The following RTN4 variants were observed in gnomAD, a reference collection of about 807,000 sequenced individuals.
The protein encoded by RTN4 is reticulon-4.
Under a neutral mutation model 90.4 loss-of-function variants are expected in RTN4, and 32 were observed. That is an observed-to-expected ratio of 0.35 (90% CI 0.27 to 0.48). The LOEUF (loss-of-function observed/expected upper bound fraction) is 0.48. Ranked by LOEUF, RTN4 falls within the 20% of genes least tolerant of loss-of-function variation. The pLI is 0.99. For synonymous variants in RTN4, 629 were observed against 552.5 expected (o/e 1.14, Z -1.94); for missense variants, 1,706 against 1,430.2 (o/e 1.19, Z -3.11).
At chr2:55,072,306 T>G (rs1042766547) in intron 2 of RTN4, among the ~76,000 whole-genome samples, 1 of 152,138 alleles carries the variant, frequency 6.6e-6, no homozygotes, top group Non-Finnish European at 1.5e-5. Flanking sequence ...CTCTGCTCAC[T>G]GCAAGCTCCA....
chr2:55,061,103 T>A (rs1668283193), intron 2 of RTN4, among the ~76,000 whole-genome samples: 1 of 150,172 alleles, frequency 6.7e-6, no homozygotes, highest in African/African-American at 2.5e-5. Flanking sequence ...TCTCACTCTG[T>A]CACCCAGGCT....
upstream of RTN4, among the ~76,000 whole-genome samples, chr2:55,116,444 T>C (rs758644195): frequency 1.2e-4 from 18 of 152,218 alleles, no homozygotes; most frequent in South Asian, 2.7e-3. Flanking sequence ...GGATCCTGGG[T>C]AAGTTTCTTA....
At chr2:55,041,401 T>A (rs1184004459) in intron 1 of RTN4, among the ~76,000 whole-genome samples, 2 of 151,870 alleles carry the variant, frequency 1.3e-5, no homozygotes, top group Non-Finnish European at 1.5e-5. Flanking sequence ...ATAAAAAAAA[T>A]TTTAAGATGA....
At chr2:54,997,628 G>C (rs1679535102) in intron 3 of RTN4, among the ~76,000 whole-genome samples, 1 of 152,036 alleles carries the variant, frequency 6.6e-6, no homozygotes, top group African/African-American at 2.4e-5. Context: ...TGAATGGATT[G>C]TTTTAAAAAA....
chr2:55,107,522 T>A lies in RTN4; in HGVS notation c.-214+4998A>T, dbSNP rs774122966. 2.5e-3 allele frequency among the ~76,000 whole-genome samples: 379 copies of A among 151,930 alleles called. 7 individuals are homozygous for A. Among genetic ancestry groups the A allele is most frequent in the Non-Finnish European group, 9.4e-4 (64 of 68,012 alleles). On this transcript the variant is annotated intron_variant, in intron 1 of 3. Transcript: ENST00000427710. ...GGCAGAACAAACCTCACAGCCAGTA[T>A]GAGACTGCCTGGCTGGTACATCTGG...
At position 55,069,215 on chromosome 2, in the gene RTN4, T is replaced by G. The variant is rs1444373600; in HGVS notation, c.-63+11274A>C. 2.0e-5 allele frequency among the ~76,000 whole-genome samples: 3 copies of G among 152,240 alleles called. No homozygotes were observed. The East Asian group carries it at 5.8e-4, about 29-fold the overall frequency. On this transcript the variant is annotated intron_variant, in intron 2 of 3. Coordinates refer to the RTN4 transcript ENST00000427710. ...ATTTTACCTAGCTCAGAAAAAAACC[T>G]AATTAGACTGGTTTAGTCCAGTCGT... is the stretch of plus-strand genomic sequence containing the variant.
chr2:55,114,568 G>T (rs1350798702), upstream of RTN4, among the ~76,000 whole-genome samples: 1 of 152,154 alleles, frequency 6.6e-6, no homozygotes, highest in Admixed American at 6.5e-5. Flanking sequence ...GCGTGGTGAC[G>T]CACGCCTGTA....
chr2:55,013,183 T>C (rs1048068769), intron 3 of RTN4, among the ~76,000 whole-genome samples: 3 of 152,118 alleles, frequency 2.0e-5, no homozygotes, highest in Non-Finnish European at 4.4e-5. Flanking sequence ...CTATTTCATA[T>C]TGTGTGTTTG....
In RTN4 at chr2:55,077,756, TACACAC is replaced by T. The variant is rs200121610; in HGVS notation, c.-63+2727_-63+2732del. On this transcript the variant is annotated intron_variant, in intron 2 of 3. Transcript: ENST00000427710. ...ACAAGTGGATAAAGAAAATGTTTTATACACACACACACACACACACACACACACACA... is the reference window on the plus strand; with the variant it reads ...ACAAGTGGATAAAGAAAATGTTTTATACACACACACACACACACACACACA... Among the ~76,000 whole-genome samples the T allele has an allele frequency of 9.8e-3, 1,417 of 144,422 alleles. 21 individuals carry two copies. The highest frequency in any genetic ancestry group is 0.024 in the African/African-American group (946 of 38,822). 94.7% of individuals were successfully genotyped at this position (144,422 alleles called of 152,430 possible).
intron 3 of RTN4, among the ~76,000 whole-genome samples, chr2:55,015,795 C>T (rs563197772): frequency 5.8e-4 from 88 of 152,318 alleles, no homozygotes; most frequent in African/African-American, 1.9e-3. Context: ...AGAAGTGTGA[C>T]TGTCACTGTA....
chr2:55,027,443 G>T lies in RTN4; in HGVS notation c.656C>A (p.Ala219Asp). Residue 219 changes from alanine (A) to aspartate (D), a missense_variant, in exon 3 of 9, where the codon GCT becomes GAT. Coordinates refer to ENST00000337526, the MANE Select transcript of RTN4 (RefSeq NM_020532.5). Reference protein sequence around the residue: ...LKEQPGNTISAGQEDFPSVLL... With the variant: ...LKEQPGNTISDGQEDFPSVLL... ...GACAGATGGGAAATCCTCTTGACCAGCCGAAATAGTGTTACCTGGCTGCTC... is the reference window on the plus strand; with the variant it reads ...GACAGATGGGAAATCCTCTTGACCATCCGAAATAGTGTTACCTGGCTGCTC... 6.2e-7 allele frequency: 1 copy of T among 1,612,770 alleles called. No individual in the cohort carries two copies. The highest frequency in any genetic ancestry group is 8.5e-7 in the Non-Finnish European group (1 of 1,179,366).
At chr2:55,003,265 G>A (rs1440369779) in intron 3 of RTN4, among the ~76,000 whole-genome samples, 1 of 152,130 alleles carries the variant, frequency 6.6e-6, no homozygotes, top group African/African-American at 2.4e-5. Context: ...TCAATGAACA[G>A]TACAAATAAT....
chr2:55,105,293 G>A (rs1262496333), intron 1 of RTN4, among the ~76,000 whole-genome samples: 2 of 140,462 alleles, frequency 1.4e-5, no homozygotes, highest in African/African-American at 5.4e-5. Context: ...ACAGTGGCAC[G>A]ATCTTGGCTC....
chr2:55,087,564 C>T (rs1668866402), intron 1 of RTN4, among the ~76,000 whole-genome samples: 1 of 152,116 alleles, frequency 6.6e-6, no homozygotes, highest in South Asian at 2.1e-4. Context: ...CACTGCTACA[C>T]ACCATTCTAG....
chr2:55,026,386 A>C lies in RTN4; in HGVS notation c.1713T>G (p.Ile571Met), dbSNP rs1451531154. ...SELNEVTGTK[I>M]AYETKMDLVQ... Reference sequence around the variant, plus strand: ...CCAAGTCCATTTTTGTTTCATAAGCAATCTTTGTACCAGTAACTTCATTCA... The same window carrying C: ...CCAAGTCCATTTTTGTTTCATAAGCCATCTTTGTACCAGTAACTTCATTCA... The change falls in exon 3 of 9, where the codon ATT becomes ATG. Residue 571 changes from isoleucine to methionine, a missense_variant. Coordinates refer to ENST00000337526, the MANE Select transcript of RTN4 (RefSeq NM_020532.5). 6.2e-7 allele frequency: 1 copy of C among 1,613,908 alleles called. No homozygotes were observed.
intron 3 of RTN4, among the ~76,000 whole-genome samples, chr2:54,998,423 T>A (rs1467854501): frequency 6.6e-6 from 1 of 152,184 alleles, no homozygotes; most frequent in Admixed American, 6.5e-5. Flanking sequence ...TGTTGACTGA[T>A]TAGAATGAAT....
At chr2:55,003,005 C>A (rs1390349937) in intron 3 of RTN4, among the ~76,000 whole-genome samples, 2 of 152,088 alleles carry the variant, frequency 1.3e-5, no homozygotes, top group Non-Finnish European at 2.9e-5. Context: ...TAAGTAGGCA[C>A]CAAGTCTTAG....
chr2:55,132,478 G>C, the RTN4 span, among the ~76,000 whole-genome samples: 1 of 149,562 alleles, frequency 6.7e-6, no homozygotes, highest in African/African-American at 2.5e-5. Flanking sequence ...ACTCCAGCCT[G>C]GGCAACAGAG....
At chr2:54,984,826 C>A (rs1049260126) in intron 4 of RTN4, among the ~76,000 whole-genome samples, 10 of 152,222 alleles carry the variant, frequency 6.6e-5, no homozygotes, top group African/African-American at 2.4e-4. Flanking sequence ...GTGTTTCTAG[C>A]CAGGCACAGT....
Sources: gnomAD v4.1 joint callset for allele counts (sites outside exome capture counted in the v4.1 genomes callset) on GRCh38, gnomAD v4.1.1 for gene constraint, MANE v1.5 for transcripts, NCBI Gene and HGNC (gene_info 2026-07-23, HGNC 2026-07-21) for gene names.